DIP2C: variants seen among roughly 807,000 people sequenced by gnomAD.
DIP2C encodes disco-interacting protein 2 homolog C.
A neutral mutation model predicts 192.4 loss-of-function variants in DIP2C; 33 were observed. The ratio of observed to expected loss-of-function variants is 0.17; its 90% CI spans 0.13 to 0.23. The LOEUF (loss-of-function observed/expected upper bound fraction) is 0.23, where lower values mean the gene tolerates loss of function less well. Among genes scored for constraint, DIP2C ranks in the 10% least tolerant of loss-of-function variants. DIP2C has a pLI of 1.00. For missense variants in DIP2C, 1,537 were observed against 2,110.1 expected (o/e 0.73, Z 5.32); for synonymous variants, 979 against 864.1 (o/e 1.13, Z -2.33).
At chr10:359,268 G>A (rs914391465) in intron 22 of DIP2C, among the ~76,000 whole-genome samples, 5 of 152,210 alleles carry the variant, frequency 3.3e-5, no homozygotes, top group South Asian at 2.1e-4. Context: ...CAGGGCCACC[G>A]GCTCTCTACA....
At chr10:507,145 C>CA (rs1490768959) in intron 1 of DIP2C, among the ~76,000 whole-genome samples, 1 of 149,288 alleles carries the variant, frequency 6.7e-6, no homozygotes, top group Admixed American at 6.7e-5. Flanking sequence ...ACTGTGCAGT[C>CA]AGAGCCATGC....
chr10:589,632 T>G (rs1164172919), intron 1 of DIP2C, among the ~76,000 whole-genome samples: 3 of 152,234 alleles, frequency 2.0e-5, no homozygotes, highest in African/African-American at 7.2e-5. Flanking sequence ...CTCTGTCAGC[T>G]AACCCGTGTG....
intron 1 of DIP2C, among the ~76,000 whole-genome samples, chr10:534,673 T>TA (rs1425891571): frequency 1.8e-4 from 27 of 148,282 alleles, no homozygotes; most frequent in Non-Finnish European, 2.5e-4. Flanking sequence ...TGATTATTAT[T>TA]TTTTTTTTTT....
At chr10:325,680 G>C (rs1490793863) in intron 31 of DIP2C, among the ~76,000 whole-genome samples, 3 of 152,324 alleles carry the variant, frequency 2.0e-5, no homozygotes, top group Non-Finnish European at 2.9e-5. Context: ...TGAATAGGCA[G>C]AGAAAACTTC....
intron 9 of DIP2C, among the ~76,000 whole-genome samples, chr10:406,888 G>A (rs1964843527): frequency 6.6e-6 from 1 of 152,042 alleles, no homozygotes; most frequent in South Asian, 2.1e-4. Flanking sequence ...ACACCACCCA[G>A]ACAGGTCATC....
chr10:535,263 T>C (rs1209427872), intron 1 of DIP2C, among the ~76,000 whole-genome samples: 1 of 151,844 alleles, frequency 6.6e-6, no homozygotes. Flanking sequence ...TTTCCTCCCT[T>C]GGTAAGAGTC....
At chr10:386,676 T>G (rs180840884) in intron 14 of DIP2C, among the ~76,000 whole-genome samples, 1 of 152,356 alleles carries the variant, frequency 6.6e-6, no homozygotes, top group African/African-American at 2.4e-5. Context: ...CCGGCTCCTC[T>G]TCACATGAAT....
At chr10:579,055 T>C (rs1850383189) in intron 1 of DIP2C, among the ~76,000 whole-genome samples, 1 of 151,918 alleles carries the variant, frequency 6.6e-6, no homozygotes, top group African/African-American at 2.4e-5. Context: ...CAAACATAAG[T>C]GCACAACATG....
intron 1 of DIP2C, among the ~76,000 whole-genome samples, chr10:558,429 CG>C: frequency 6.6e-6 from 1 of 152,256 alleles, no homozygotes; most frequent in East Asian, 1.9e-4. Flanking sequence ...TTCAGAAATG[CG>C]TAAAGGAAGG....
Position 362,782 on chromosome 10 carries a change from G to A in DIP2C, c.2593-91C>T, listed in dbSNP as rs572486634. 5.7e-5 allele frequency: 79 copies of A among 1,378,714 alleles called. No homozygotes were observed. In the African/African-American group the frequency reaches 9.4e-4, roughly 16 times the overall value. The allele number at this position is 1,378,714 out of a possible 1,614,324, so 85.4% of individuals were successfully genotyped here. A position where few individuals can be genotyped will look rare whatever the true frequency, so the allele number is the denominator to read the frequency against. Reference sequence around the variant, plus strand: ...TGCAAAATATGATCCACAATACACAGAAGTCTGTGCAGTATAAGCACTGTT... The same window carrying A: ...TGCAAAATATGATCCACAATACACAAAAGTCTGTGCAGTATAAGCACTGTT... On this transcript the variant is annotated intron_variant, in intron 21 of 36. Coordinates refer to ENST00000280886, the MANE Select transcript of DIP2C (RefSeq NM_014974.3).
chr10:467,204 T>TAA (rs543416290), intron 3 of DIP2C, among the ~76,000 whole-genome samples: 5 of 152,054 alleles, frequency 3.3e-5, no homozygotes, highest in Non-Finnish European at 5.9e-5. Flanking sequence ...TATGCAGCCA[T>TAA]AAAATGATGA....
intron 1 of DIP2C, among the ~76,000 whole-genome samples, chr10:575,536 A>C (rs1339163900): frequency 1.3e-5 from 2 of 152,214 alleles, no homozygotes; most frequent in East Asian, 3.9e-4. Context: ...CAAGATGTTG[A>C]AGTCGCAAAG....
chr10:668,357 C>A (rs1357739847), intron 1 of DIP2C: 8 of 151,908 alleles, frequency 5.3e-5, no homozygotes, highest in Admixed American at 4.6e-4. Flanking sequence ...CAACACACAA[C>A]ACTGATACAA....
chr10:532,331 C>CT (rs1847418243), intron 1 of DIP2C, among the ~76,000 whole-genome samples: 1 of 152,146 alleles, frequency 6.6e-6, no homozygotes, highest in Non-Finnish European at 1.5e-5. Flanking sequence ...AAGCCACTCC[C>CT]TCTCTCCCCT....
chr10:470,819 C>T (rs1425723041), intron 3 of DIP2C, among the ~76,000 whole-genome samples: 1 of 152,228 alleles, frequency 6.6e-6, no homozygotes, highest in Non-Finnish European at 1.5e-5. Context: ...CCTCCCTGAA[C>T]TTCAGTTTCC....
chr10:381,417 C>T (rs1564639971), intron 17 of DIP2C, among the ~76,000 whole-genome samples: 1 of 152,176 alleles, frequency 6.6e-6, no homozygotes, highest in Non-Finnish European at 1.5e-5. Flanking sequence ...TAATCCTTTT[C>T]GGTCCTTCGG....
At chr10:635,846 C>T (rs1854800418) in intron 1 of DIP2C, among the ~76,000 whole-genome samples, 1 of 152,156 alleles carries the variant, frequency 6.6e-6, no homozygotes, top group Non-Finnish European at 1.5e-5. Flanking sequence ...GAGGCTGCCT[C>T]ACCGGCCCAG....
intron 4 of DIP2C, among the ~76,000 whole-genome samples, chr10:432,001 C>T (rs77471988): frequency 0.017 from 2,513 of 152,110 alleles, 78 homozygotes; most frequent in African/African-American, 0.057. Flanking sequence ...AGCCTGTTAA[C>T]GTGATGAATT....
At chr10:347,053 A>G (rs541605617) in intron 26 of DIP2C, among the ~76,000 whole-genome samples, 5 of 51,796 alleles carry the variant, frequency 9.7e-5, no homozygotes, top group African/African-American at 3.1e-4. Flanking sequence ...CACATCGCGC[A>G]TAGTTCTCCC....
Sources: gnomAD v4.1 joint callset for allele counts (sites outside exome capture counted in the v4.1 genomes callset) on GRCh38, gnomAD v4.1.1 for gene constraint, MANE v1.5 for transcripts, NCBI Gene and HGNC (gene_info 2026-07-23, HGNC 2026-07-21) for gene names.